The following CDK19 variants were observed in gnomAD, a reference collection of about 807,000 sequenced individuals.
CDK19 encodes the protein cyclin dependent kinase 19.
A neutral mutation model predicts 68.3 loss-of-function variants in CDK19; 20 were observed. The ratio of observed to expected loss-of-function variants is 0.29; its 90% CI spans 0.21 to 0.43. The LOEUF (loss-of-function observed/expected upper bound fraction) is 0.43, where lower values mean the gene tolerates loss of function less well. Among genes scored for constraint, CDK19 ranks in the 20% least tolerant of loss-of-function variants. The probability of loss-of-function intolerance (pLI) is 1.00; values close to 1 mark genes in which losing one functional copy is unlikely to be tolerated. For synonymous variants in CDK19, 221 were observed against 222.8 expected (o/e 0.99, Z 0.07); for missense variants, 339 against 623.5 (o/e 0.54, Z 4.86).
At chr6:110,742,926 C>T (rs1450107665) in intron 2 of CDK19, among the ~76,000 whole-genome samples, 1 of 152,084 alleles carries the variant, frequency 6.6e-6, no homozygotes, top group Non-Finnish European at 1.5e-5. Flanking sequence ...TGACCTACTC[C>T]CTGTATGTAT....
Position 110,815,237 on chromosome 6 carries a change from CCTCTCG to C in CDK19, c.-107_-102del. 1.6e-6 allele frequency: 2 copies of C among 1,286,326 alleles called. No individual in the cohort carries two copies. Among genetic ancestry groups the C allele is most frequent in the South Asian group, 2.1e-5 (1 of 46,938 alleles). The allele number at this position is 1,286,326 out of a possible 1,614,324, so 79.7% of individuals were successfully genotyped here. ...CGCCGCTCCACTTCTCCAACAGCCG[CCTCTCG>C]CGCGCGCGCGCGCGCCGCCCGCCGC... On this transcript the variant is annotated 5_prime_UTR_variant, in exon 1 of 13. Transcript: ENST00000368911.
intron 2 of CDK19, among the ~76,000 whole-genome samples, chr6:110,745,476 A>C (rs1166500971): frequency 1.3e-5 from 2 of 152,148 alleles, no homozygotes; most frequent in African/African-American, 2.4e-5. Flanking sequence ...AATGAATAAG[A>C]TTTAATAGTA....
chr6:110,721,245 A>G (rs1775862730), intron 2 of CDK19, among the ~76,000 whole-genome samples: 2 of 152,138 alleles, frequency 1.3e-5, no homozygotes, highest in Admixed American at 6.6e-5. Context: ...CTCAAAAAAT[A>G]AAAATAGAAA....
intron 2 of CDK19, among the ~76,000 whole-genome samples, chr6:110,716,061 GA>G (rs34933794): frequency 0.65 from 98,953 of 151,930 alleles, 33,911 homozygotes; most frequent in Admixed American, 0.8. Flanking sequence ...TCATTAAGAG[GA>G]ATCACATAAC....
chr6:110,705,422 T>C (rs1774381362), intron 2 of CDK19, among the ~76,000 whole-genome samples: 1 of 152,190 alleles, frequency 6.6e-6, no homozygotes. Context: ...TATCTGGATC[T>C]GAAGCTCAGG....
intron 1 of CDK19, among the ~76,000 whole-genome samples, chr6:110,770,680 C>CGAGTT (rs1334435329): frequency 1.3e-5 from 2 of 152,164 alleles, no homozygotes; most frequent in Non-Finnish European, 2.9e-5. Context: ...AGTCTTAACT[C>CGAGTT]ATTTCAGCAT....
In CDK19 at chr6:110,632,131, G is replaced by A; in HGVS notation, c.545C>T (p.Ser182Phe). The change falls in exon 6 of 13, where the codon TCT becomes TTT. Residue 182 changes from serine to phenylalanine, a missense_variant. By Grantham distance (155) the Ser-to-Phe change is radical. Around this residue, in one of 4 missense-constraint regions of CDK19, gnomAD observed 120 missense variants for 224.0 expected, o/e 0.54. Coordinates refer to ENST00000368911, the MANE Select transcript of CDK19 (RefSeq NM_015076.5). Reference sequence around the variant, plus strand: ...CAAATCTGCTAGTGGCTTTAGAGGAGAATTGAATAATCTGGCAAAACCCAT... The same window carrying A: ...CAAATCTGCTAGTGGCTTTAGAGGAAAATTGAATAATCTGGCAAAACCCAT... ...ADMGFARLFN[S>F]PLKPLADLDP... 2 of 1,610,688 alleles carry A rather than the reference G, an allele frequency of 1.2e-6. No individual in the cohort carries two copies. Among genetic ancestry groups the A allele is most frequent in the East Asian group, 2.2e-5 (1 of 44,866 alleles).
intron 5 of CDK19, among the ~76,000 whole-genome samples, chr6:110,632,497 G>A (rs1431336750): frequency 1.1e-4 from 16 of 152,344 alleles, no homozygotes; most frequent in African/African-American, 2.6e-4. Flanking sequence ...CTGGGAGGCC[G>A]AGGTGGGCGG....
At chr6:110,754,531 G>A (rs1418106994) in intron 1 of CDK19, among the ~76,000 whole-genome samples, 3 of 151,146 alleles carry the variant, frequency 2.0e-5, no homozygotes, top group Admixed American at 2.0e-4. Flanking sequence ...CCAGGCTGGA[G>A]TGCAGTGGCT....
At position 110,815,163 on chromosome 6, in the gene CDK19, G is replaced by T; in HGVS notation, c.-27C>A. ...GTCTGCTTCCCCCATAGAGGCACGGGACGCGGGGGCCGCCGCCGCTCAGTC... is the reference window on the plus strand; with the variant it reads ...GTCTGCTTCCCCCATAGAGGCACGGTACGCGGGGGCCGCCGCCGCTCAGTC... On this transcript the variant is annotated 5_prime_UTR_variant, in exon 1 of 13. Coordinates refer to ENST00000368911, the MANE Select transcript of CDK19 (RefSeq NM_015076.5). 6.4e-7 allele frequency: 1 copy of T among 1,564,164 alleles called. No homozygotes were observed. The highest frequency in any genetic ancestry group is 8.6e-7 in the Non-Finnish European group (1 of 1,156,788).
chr6:110,662,280 T>C (rs1388122408), intron 4 of CDK19, among the ~76,000 whole-genome samples: 1 of 152,146 alleles, frequency 6.6e-6, no homozygotes, highest in African/African-American at 2.4e-5. Context: ...TCCACACATA[T>C]TTTTTAAAAG....
intron 2 of CDK19, among the ~76,000 whole-genome samples, chr6:110,699,358 G>A (rs575012801): frequency 6.6e-6 from 1 of 151,132 alleles, no homozygotes; most frequent in African/African-American, 2.4e-5. Flanking sequence ...ACAGGAGGCG[G>A]AGGTTGCAGT....
intron 2 of CDK19, among the ~76,000 whole-genome samples, chr6:110,722,821 C>T (rs966506628): frequency 5.3e-5 from 8 of 151,588 alleles, no homozygotes; most frequent in African/African-American, 1.9e-4. Flanking sequence ...GAGCCATGAT[C>T]GTGCCAATGT....
intron 4 of CDK19, among the ~76,000 whole-genome samples, chr6:110,666,003 A>G (rs932153042): frequency 1.3e-5 from 2 of 151,844 alleles, no homozygotes; most frequent in African/African-American, 4.8e-5. Flanking sequence ...TCGGCCTTCC[A>G]AAGTGCTGGG....
At chr6:110,647,395 G>A (rs905945907) in intron 4 of CDK19, among the ~76,000 whole-genome samples, 1 of 151,876 alleles carries the variant, frequency 6.6e-6, no homozygotes, top group Non-Finnish European at 1.5e-5. Flanking sequence ...GGGGGGTGGG[G>A]GGGAGGGAAG....
At chr6:110,762,841 A>G (rs905946334) in intron 1 of CDK19, among the ~76,000 whole-genome samples, 4 of 152,358 alleles carry the variant, frequency 2.6e-5, no homozygotes, top group South Asian at 2.1e-4. Context: ...TATATGAATA[A>G]TAAGTTTCCA....
At chr6:110,651,442 T>TA (rs1780967305) in intron 4 of CDK19, among the ~76,000 whole-genome samples, 1 of 152,004 alleles carries the variant, frequency 6.6e-6, no homozygotes, top group Non-Finnish European at 1.5e-5. Flanking sequence ...AAACACATAA[T>TA]AAAAAATAGG....
In CDK19 at chr6:110,796,182, C is replaced by CA. The variant is rs199750006; in HGVS notation, c.128+18826dup. Among the ~76,000 whole-genome samples the CA allele has an allele frequency of 7.9e-3, 1,195 of 152,120 alleles. 24 individuals are homozygous for CA. Among genetic ancestry groups the CA allele is most frequent in the African/African-American group, 0.027 (1,141 of 41,510 alleles). On this transcript the variant is annotated intron_variant, in intron 1 of 12. Transcript: ENST00000368911. ...AGAAACCCGGTCTCTACTAAAAATACAAAAAATTAGCTGGGCATGGCGGTG... is the reference window on the plus strand; with the variant it reads ...AGAAACCCGGTCTCTACTAAAAATACAAAAAAATTAGCTGGGCATGGCGGTG...
chr6:110,627,870 A>G (rs1425705230), intron 6 of CDK19, among the ~76,000 whole-genome samples: 2 of 152,246 alleles, frequency 1.3e-5, no homozygotes, highest in Non-Finnish European at 2.9e-5. Context: ...ATGATAGAGT[A>G]GAATTTATAA....
Sources: gnomAD v4.1 joint callset for allele counts (sites outside exome capture counted in the v4.1 genomes callset) on GRCh38, gnomAD v4.1.1 for gene constraint, gnomAD v4.1.1 regional missense constraint, MANE v1.5 for transcripts, NCBI Gene and HGNC (gene_info 2026-07-23, HGNC 2026-07-21) for gene names.